Variants in HERPUD2 observed in about 807,000 individuals in gnomAD.
HERPUD2 encodes the protein HERPUD family member 2, also known as homocysteine-responsive endoplasmic reticulum-resident ubiquitin-like domain member 2 protein.
HERPUD2 carries 13 observed loss-of-function variants against 49.9 expected under a neutral mutation model. That is an observed-to-expected ratio of 0.26 (90% confidence interval 0.17 to 0.41). The LOEUF (loss-of-function observed/expected upper bound fraction) is 0.41, where lower values mean the gene tolerates loss of function less well. HERPUD2 is among the 10% of genes least tolerant of loss of function. The probability of loss-of-function intolerance (pLI) is 1.00; values close to 1 mark genes in which losing one functional copy is unlikely to be tolerated. For synonymous variants in HERPUD2, 172 were observed against 171.4 expected, an observed-to-expected ratio of 1.00 and a Z score of -0.03; for missense variants, 449 against 492.2, an observed-to-expected ratio of 0.91 and a Z score of 0.83.
rs149931079 is a variant in HERPUD2 at position 35,660,123 on chromosome 7, C to T, written c.494+7311G>A. ...GTTCCCACCTATGAGTGAGAACATA[C>T]GGTGTTTTGTTTTCTGTCCTTGCGA... On this transcript the variant is annotated intron_variant, in intron 5 of 8. Transcript: ENST00000311350. Among the ~76,000 whole-genome samples the T allele has an allele frequency of 3.2e-4, 49 of 152,204 alleles. No individual in the cohort carries two copies. The East Asian group carries it at 3.9e-3, about 12-fold the overall frequency.
rs565091877 is a variant in HERPUD2 at position 35,694,084 on chromosome 7, T to A, written c.147+100A>T. The stretch of plus-strand genomic sequence containing the variant: ...ACCTCGCGGTCTACCAAAAGAGACC[T>A]ATTTGATTCAAGACTGGAGGGGAGA... On this transcript the variant is annotated intron_variant, in intron 2 of 8. Transcript: ENST00000311350. 37 of 1,251,670 alleles carry A rather than the reference T, an allele frequency of 3.0e-5. No homozygotes were observed. In the African/African-American group the frequency reaches 3.7e-4, roughly 13 times the overall value. 77.5% of individuals were successfully genotyped at this position (1,251,670 alleles called of 1,614,324 possible). A position where few individuals can be genotyped will look rare whatever the true frequency, so the allele number is the denominator to read the frequency against.
chr7:35,642,758 G>C (rs1296088633), intron 5 of HERPUD2, among the ~76,000 whole-genome samples: 2 of 152,134 alleles, frequency 1.3e-5, no homozygotes, highest in Non-Finnish European at 2.9e-5. Flanking sequence ...TAAATGATGA[G>C]AACACATGGA....
chr7:35,681,003 G>T (rs1288859362), intron 2 of HERPUD2, among the ~76,000 whole-genome samples: 1 of 152,072 alleles, frequency 6.6e-6, no homozygotes, highest in Non-Finnish European at 1.5e-5. Context: ...TTTGAAGTTT[G>T]TTAAATTAGT....
At chr7:35,640,963 T>C (rs1430927329) in intron 5 of HERPUD2, among the ~76,000 whole-genome samples, 1 of 152,018 alleles carries the variant, frequency 6.6e-6, no homozygotes, top group African/African-American at 2.4e-5. Flanking sequence ...TAGAAGAAAC[T>C]AGAATTATTT....
At chr7:35,638,120 T>C (rs932549944) in intron 6 of HERPUD2, among the ~76,000 whole-genome samples, 4 of 152,184 alleles carry the variant, frequency 2.6e-5, no homozygotes, top group Non-Finnish European at 5.9e-5. Flanking sequence ...CTTAAATTTA[T>C]AAAATGTTAT....
intron 5 of HERPUD2, among the ~76,000 whole-genome samples, chr7:35,654,154 C>A (rs1485835722): frequency 6.6e-6 from 1 of 150,732 alleles, no homozygotes; most frequent in Admixed American, 6.6e-5. Context: ...AAAATACACC[C>A]CCAAGAACTA....
chr7:35,637,212 AT>A (rs1784886975), intron 6 of HERPUD2, among the ~76,000 whole-genome samples: 1 of 150,368 alleles, frequency 6.7e-6, no homozygotes, highest in Admixed American at 6.6e-5. Context: ...GATAAAAGAA[AT>A]GTAACCCAGC....
chr7:35,659,403 T>C (rs1785358726), intron 5 of HERPUD2, among the ~76,000 whole-genome samples: 1 of 152,250 alleles, frequency 6.6e-6, no homozygotes, highest in Non-Finnish European at 1.5e-5. Context: ...ACTGTTTTAG[T>C]GTACCATACA....
At chr7:35,693,420 T>C (rs746263757) in intron 2 of HERPUD2, among the ~76,000 whole-genome samples, 1 of 152,220 alleles carries the variant, frequency 6.6e-6, no homozygotes, top group Non-Finnish European at 1.5e-5. Flanking sequence ...ATAATTTTTA[T>C]AGGGGACACA....
chr7:35,677,420 A>G (rs1459284304), intron 2 of HERPUD2, among the ~76,000 whole-genome samples: 5 of 152,128 alleles, frequency 3.3e-5, no homozygotes, highest in African/African-American at 9.7e-5. Context: ...TCCTCCCTTC[A>G]TATTATTCTA....
At chr7:35,634,164 G>T in intron 8 of HERPUD2, 148 bp downstream of exon 8, 1 of 607,354 alleles carries the variant, frequency 1.6e-6, no homozygotes, top group Non-Finnish European at 2.9e-6. Context: ...TCTCCCAAAT[G>T]AAACCACCAC....
At chr7:35,654,203 A>G (rs1785227649) in intron 5 of HERPUD2, among the ~76,000 whole-genome samples, 1 of 152,156 alleles carries the variant, frequency 6.6e-6, no homozygotes, top group African/African-American at 2.4e-5. Flanking sequence ...TAGTAGAGGG[A>G]AAGAAATAAT....
chr7:35,652,535 T>C (rs1355097570), intron 5 of HERPUD2, among the ~76,000 whole-genome samples: 2 of 150,662 alleles, frequency 1.3e-5, no homozygotes, highest in Non-Finnish European at 2.9e-5. Flanking sequence ...GCAGAAACCT[T>C]ACAGGCCAGG....
chr7:35,663,296 T>C (rs1785467379), intron 5 of HERPUD2, among the ~76,000 whole-genome samples: 1 of 152,194 alleles, frequency 6.6e-6, no homozygotes, highest in Admixed American at 6.5e-5. Context: ...TGTTCTTTTA[T>C]TTGCTGAGGA....
chr7:35,682,357 GTATA>G (rs3052526), intron 2 of HERPUD2, among the ~76,000 whole-genome samples: 3,601 of 25,712 alleles, frequency 0.14, 648 homozygotes, highest in Middle Eastern at 0.25. Context: ...GTGTGTGTGT[GTATA>G]TATATATATA....
At chr7:35,640,737 T>C (rs1784955597) in intron 5 of HERPUD2, among the ~76,000 whole-genome samples, 1 of 152,136 alleles carries the variant, frequency 6.6e-6, no homozygotes, top group African/African-American at 2.4e-5. Context: ...ATTAATAAAA[T>C]ATATAGGAAT....
Position 35,658,897 on chromosome 7 carries a change from T to C in HERPUD2, c.494+8537A>G, listed in dbSNP as rs1357062606. On this transcript the variant is annotated intron_variant, in intron 5 of 8. Transcript: ENST00000311350. ...TAGGTAGGCAAATAATCAACTACAT[T>C]TGGATTTCCCAAAGTGAGGTTCCCA... 3.3e-5 allele frequency among the ~76,000 whole-genome samples: 5 copies of C among 152,216 alleles called. No homozygotes were observed. The South Asian group carries it at 1.0e-3, about 32-fold the overall frequency.
At chr7:35,653,630 C>G (rs1218535604) in intron 5 of HERPUD2, among the ~76,000 whole-genome samples, 1 of 151,854 alleles carries the variant, frequency 6.6e-6, no homozygotes, top group Admixed American at 6.6e-5. Flanking sequence ...AGCCCATGGA[C>G]CATTCTCCAG....
At position 35,637,828 on chromosome 7, in the gene HERPUD2, A is replaced by C. The variant is rs142637566; in HGVS notation, c.617+522T>G. Among the ~76,000 whole-genome samples, 171 of 152,336 alleles carry C rather than the reference A, an allele frequency of 1.1e-3. 1 individual carries two copies. The Middle Eastern group carries it at 0.017, about 15-fold the overall frequency. ...GTACGGAAGACAAAAGAATCACAGAAACAAGGAGAGGAGAATGGTAAAGAG... is the reference window on the plus strand; with the variant it reads ...GTACGGAAGACAAAAGAATCACAGACACAAGGAGAGGAGAATGGTAAAGAG... On this transcript the variant is annotated intron_variant, in intron 6 of 8. Coordinates refer to ENST00000311350, the MANE Select transcript of HERPUD2 (RefSeq NM_022373.5).
Sources: allele counts gnomAD v4.1 joint callset (sites outside exome capture counted in the v4.1 genomes callset), GRCh38; gene constraint gnomAD v4.1.1; transcripts MANE v1.5; gene names NCBI Gene and HGNC (gene_info 2026-07-23, HGNC 2026-07-21).